MLLT10: variants seen among roughly 807,000 people sequenced by gnomAD.
The protein encoded by MLLT10 is protein AF-10.
A neutral mutation model predicts 129.1 loss-of-function variants in MLLT10; 30 were observed. That is an observed-to-expected ratio of 0.23 (90% CI 0.17 to 0.32). The LOEUF is 0.32. MLLT10 is among the 10% of genes least tolerant of loss of function. The pLI, the probability that MLLT10 is intolerant of heterozygous loss-of-function variation, is 1.00. For missense variants in MLLT10, 1,119 were observed against 1,268.3 expected, an observed-to-expected ratio of 0.88 and a Z score of 1.79; for synonymous variants, 490 against 446.4, an observed-to-expected ratio of 1.10 and a Z score of -1.23.
chr10:21,567,821 CTT>C (rs1163802842), intron 3 of MLLT10, among the ~76,000 whole-genome samples: 32 of 137,452 alleles, frequency 2.3e-4, no homozygotes, highest in East Asian at 2.1e-4. Context: ...GGGGCTTCTT[CTT>C]TTTTTTTTTT....
intron 3 of MLLT10, among the ~76,000 whole-genome samples, chr10:21,569,829 ACCT>A (rs762648537): frequency 6.6e-6 from 1 of 151,174 alleles, no homozygotes; most frequent in Non-Finnish European, 1.5e-5. Context: ...TATGGCCTTG[ACCT>A]CCTCCTGCCT....
At chr10:21,624,896 C>T (rs2046275141) in intron 8 of MLLT10, 1 of 1,237,364 alleles carries the variant, frequency 8.1e-7, no homozygotes, top group African/African-American at 1.5e-5. Flanking sequence ...CCAAAGGTGC[C>T]CCCTTTTGTG....
At chr10:21,696,809 C>G (rs2054405852) in intron 13 of MLLT10, among the ~76,000 whole-genome samples, 1 of 152,020 alleles carries the variant, frequency 6.6e-6, no homozygotes, top group South Asian at 2.1e-4. Context: ...ATTACAATAG[C>G]TACTTAAGTC....
chr10:21,573,039 A>T (rs1409319437), intron 3 of MLLT10, among the ~76,000 whole-genome samples: 1 of 152,152 alleles, frequency 6.6e-6, no homozygotes, highest in Non-Finnish European at 1.5e-5. Context: ...TTGTATATTG[A>T]CCTGTTTCTT....
chr10:21,740,291 G>T, intron 22 of MLLT10, 55 bp downstream of exon 22: 1 of 1,550,176 alleles, frequency 6.5e-7, no homozygotes, highest in South Asian at 1.2e-5. Context: ...TTGATTAATC[G>T]GAGATGATCA....
rs374061969 is a variant in MLLT10, at chr10:21,665,225, C to T, written c.796-5224C>T. 6.0e-5 allele frequency among the ~76,000 whole-genome samples: 9 copies of T among 149,618 alleles called. No homozygotes were observed. The East Asian group carries it at 1.2e-3, about 20-fold the overall frequency. On this transcript the variant is annotated intron_variant, in intron 9 of 22. Coordinates refer to ENST00000307729, the MANE Select transcript of MLLT10 (RefSeq NM_001195626.3). ...CCTCTTAAAGTGTTGGGATTACAGG[C>T]GCGAGCCACTGCGCCTGGCCTGAAG...
At chr10:21,632,517 G>A (rs995125283) in intron 8 of MLLT10, among the ~76,000 whole-genome samples, 2 of 152,096 alleles carry the variant, frequency 1.3e-5, no homozygotes, top group Admixed American at 6.6e-5. Context: ...GGACATGAAG[G>A]TTTAATTAGA....
chr10:21,541,652 C>T (rs2035182308), intron 3 of MLLT10, among the ~76,000 whole-genome samples: 1 of 152,114 alleles, frequency 6.6e-6, no homozygotes, highest in Non-Finnish European at 1.5e-5. Flanking sequence ...TCCCGAAGTA[C>T]TGGGATTACA....
At chr10:21,664,126 A>G (rs985377298) in intron 9 of MLLT10, among the ~76,000 whole-genome samples, 1 of 152,002 alleles carries the variant, frequency 6.6e-6, no homozygotes, top group Admixed American at 6.5e-5. Flanking sequence ...TTCTTCTTTG[A>G]CCTATGAGTT....
intron 14 of MLLT10, among the ~76,000 whole-genome samples, chr10:21,717,810 T>TCTCCTTCTTCTCCTCCTTCTTCTC (rs746954313): frequency 2.3e-5 from 2 of 88,010 alleles, no homozygotes; most frequent in Non-Finnish European, 4.2e-5. Context: ...TCCTTCTTCT[T>TCTCCTTCTTCTCCTCCTTCTTCTC]CTCCTTCTTC....
intron 8 of MLLT10, among the ~76,000 whole-genome samples, chr10:21,634,260 A>C (rs538712182): frequency 1.3e-5 from 2 of 152,098 alleles, no homozygotes; most frequent in East Asian, 1.9e-4. Context: ...AGGATTTTCT[A>C]CCTTTCATGA....
chr10:21,557,995 G>C (rs551317074), intron 3 of MLLT10, among the ~76,000 whole-genome samples: 55 of 142,344 alleles, frequency 3.9e-4, no homozygotes, highest in African/African-American at 1.4e-3. Flanking sequence ...TTTTGCCCAG[G>C]CTGGAGTACA....
intron 3 of MLLT10, among the ~76,000 whole-genome samples, chr10:21,558,192 C>G (rs1351081056): frequency 1.3e-5 from 2 of 151,948 alleles, no homozygotes; most frequent in Non-Finnish European, 2.9e-5. Flanking sequence ...CTCCGGTGAT[C>G]CACCCACCTC....
Position 21,735,170 on chromosome 10 carries a change from C to T in MLLT10, c.2890C>T (p.Gln964Ter). The T allele has an allele frequency of 6.2e-7, 1 of 1,613,920 alleles. No homozygotes were observed. The highest frequency in any genetic ancestry group is 8.5e-7 in the Non-Finnish European group (1 of 1,179,960). The change falls in exon 21 of 23, where the codon CAA becomes TAA. Residue 964 changes from glutamine to a stop codon, truncating the protein, a stop_gained. Transcript: ENST00000307729. LOFTEE classifies it high-confidence loss of function. The stretch of plus-strand genomic sequence containing the variant: ...AGGACTAGGATTACTTTCTGACCAG[C>T]AACGACAAATACTTATTCATCAACA... ...ASGLGLLSDQ[Q>*]RQILIHQQQF...
chr10:21,617,497 A>C (rs948744900), intron 8 of MLLT10, among the ~76,000 whole-genome samples: 4 of 152,188 alleles, frequency 2.6e-5, no homozygotes, highest in Non-Finnish European at 5.9e-5. Flanking sequence ...TGACTTCAGC[A>C]ATAATAGTTC....
chr10:21,619,739 T>C (rs1223825493), intron 8 of MLLT10, among the ~76,000 whole-genome samples: 2 of 152,194 alleles, frequency 1.3e-5, no homozygotes, highest in African/African-American at 4.8e-5. Context: ...ATCTACAAAG[T>C]AAGCACACTA....
At chr10:21,599,418 T>C (rs2043310998) in intron 5 of MLLT10, among the ~76,000 whole-genome samples, 2 of 152,170 alleles carry the variant, frequency 1.3e-5, no homozygotes, top group African/African-American at 4.8e-5. Context: ...CACTAATCTC[T>C]ATTACTGTAT....
intron 5 of MLLT10, among the ~76,000 whole-genome samples, chr10:21,597,657 CCACCCCACCCGGGTCT>C (rs2043144450): frequency 6.6e-6 from 1 of 152,186 alleles, no homozygotes; most frequent in South Asian, 2.1e-4. Flanking sequence ...CAGGCGTGAG[CCACCCCACCCGGGTCT>C]CTTTGGTCTT....
rs75939201 is a variant in MLLT10 at position 21,705,270 on chromosome 10, G to A, written c.1700-8502G>A. 7.3e-3 allele frequency among the ~76,000 whole-genome samples: 1,105 copies of A among 152,294 alleles called. 11 individuals carry two copies. The highest frequency in any genetic ancestry group is 0.024 in the African/African-American group (1,011 of 41,542). ...CAGATAGGTGCCAGCTGTGGCAGTA[G>A]CAGCAGGGTGGGTAGGCCTAACCTC... On this transcript the variant is annotated intron_variant, in intron 13 of 22. Transcript: ENST00000307729.
Sources: allele counts gnomAD v4.1 joint callset (sites outside exome capture counted in the v4.1 genomes callset), GRCh38; gene constraint gnomAD v4.1.1; transcripts MANE v1.5; gene names NCBI Gene and HGNC (gene_info 2026-07-23, HGNC 2026-07-21).